RASGRF1: variants seen among roughly 807,000 people sequenced by gnomAD.
The protein encoded by RASGRF1 is ras-specific guanine nucleotide-releasing factor 1.
RASGRF1 carries 40 observed loss-of-function variants against 138.7 expected under a neutral mutation model. That is an observed-to-expected ratio of 0.29 (90% CI 0.22 to 0.38). The LOEUF is 0.38. Among genes scored for constraint, RASGRF1 ranks in the 10% least tolerant of loss-of-function variants. RASGRF1 has a pLI of 1.00. For missense variants in RASGRF1, 1,108 were observed against 1,650.4 expected (o/e 0.67, Z 5.69); for synonymous variants, 614 against 663.2 (o/e 0.93, Z 1.14).
At chr15:78,991,991 T>C (rs765044708) in intron 20 of RASGRF1, among the ~76,000 whole-genome samples, 197 bp from the exon 21 acceptor site, 15 of 152,000 alleles carry the variant, frequency 9.9e-5, no homozygotes, top group Admixed American at 1.3e-4. Context: ...CGGAGGGAGA[T>C]GGGCCCCGCC....
At position 79,046,905 on chromosome 15, in the gene RASGRF1, T is replaced by C; in HGVS notation, c.719A>G (p.Lys240Arg). 1 of 1,614,206 alleles carries C rather than the reference T, an allele frequency of 6.2e-7. No individual in the cohort carries two copies. The highest frequency in any genetic ancestry group is 8.5e-7 in the Non-Finnish European group (1 of 1,180,034). ...IRSPHADSMR[K>R]RNQVVFSMLE... ...CATGCTGAACACCACCTGGTTCCTC[T>C]TGCGCATGCTGTCAGCATGGGGTGA... The change falls in exon 5 of 27, where the codon AAG becomes AGG. Residue 240 changes from lysine (K) to arginine (R), a missense_variant. Around this residue, in one of 3 missense-constraint regions of RASGRF1, gnomAD observed 253 missense variants for 329.5 expected, o/e 0.77. Coordinates refer to ENST00000558480, the MANE Select transcript of RASGRF1 (RefSeq NM_001145648.3). This position sits in a 1 kb window ranked among gnomAD's most constrained non-coding sequence, Gnocchi z 5.3.
chr15:79,065,931 G>A (rs980218576), intron 1 of RASGRF1, among the ~76,000 whole-genome samples: 10 of 151,766 alleles, frequency 6.6e-5, no homozygotes, highest in Non-Finnish European at 1.3e-4. Flanking sequence ...GAATGAGTAT[G>A]GCAGGAGAGA....
intron 1 of RASGRF1, among the ~76,000 whole-genome samples, chr15:79,078,155 A>G (rs1267880965): frequency 1.6e-5 from 1 of 60,620 alleles, no homozygotes; most frequent in Non-Finnish European, 5.5e-5. Context: ...GTGTGTGTGC[A>G]TGCATGTGCG....
chr15:78,996,307 C>A (rs1183903614), intron 19 of RASGRF1, among the ~76,000 whole-genome samples: 1 of 152,148 alleles, frequency 6.6e-6, no homozygotes, highest in Non-Finnish European at 1.5e-5. Context: ...GAGGGTAGAG[C>A]CTCAAAGTCA....
At chr15:79,012,428 ATCTC>A in intron 13 of RASGRF1, 1 of 1,240,044 alleles carries the variant, frequency 8.1e-7, no homozygotes. Context: ...CTTTCTAATA[ATCTC>A]TCTATGTCTC....
intron 2 of RASGRF1, among the ~76,000 whole-genome samples, chr15:79,060,251 C>G (rs1172065174): frequency 6.6e-6 from 1 of 152,176 alleles, no homozygotes; most frequent in African/African-American, 2.4e-5. Context: ...CACTCCCCAC[C>G]CCCCAGGTTG....
intron 26 of RASGRF1, among the ~76,000 whole-genome samples, chr15:78,967,693 C>T (rs1018869051): frequency 1.3e-5 from 2 of 152,110 alleles, no homozygotes; most frequent in Non-Finnish European, 2.9e-5. Context: ...ATCTGTTTTT[C>T]CATGGTTAAT....
intron 5 of RASGRF1, among the ~76,000 whole-genome samples, chr15:79,045,583 T>C (rs2057345557): frequency 6.6e-6 from 1 of 152,206 alleles, no homozygotes; most frequent in African/African-American, 2.4e-5. Flanking sequence ...TCTCTTTCCT[T>C]CTCTCTCTGT....
In RASGRF1 at chr15:79,019,924, G is replaced by A. The variant is rs118069855; in HGVS notation, c.1606+117C>T. On this transcript the variant is annotated intron_variant, in intron 11 of 26. Coordinates refer to ENST00000558480, the MANE Select transcript of RASGRF1 (RefSeq NM_001145648.3). ...GAGGGCATGTGTGGACCTCCCCTCC[G>A]CACTTCAGCATCCTCCATTCCTCCC... 8.1e-3 allele frequency: 10,287 copies of A among 1,264,916 alleles called. 68 individuals carry two copies. Among genetic ancestry groups the A allele is most frequent in the Non-Finnish European group, 9.9e-3 (8,855 of 892,200 alleles). 78.4% of individuals were successfully genotyped at this position (1,264,916 alleles called of 1,614,324 possible).
At chr15:79,012,845 G>C (rs2056822044) in intron 13 of RASGRF1, among the ~76,000 whole-genome samples, 1 of 152,100 alleles carries the variant, frequency 6.6e-6, no homozygotes, top group African/African-American at 2.4e-5. Flanking sequence ...ACCAGGCCTG[G>C]CTAATTTTTG....
At chr15:79,059,674 A>G (rs1402728874) in intron 2 of RASGRF1, among the ~76,000 whole-genome samples, 1 of 152,072 alleles carries the variant, frequency 6.6e-6, no homozygotes, top group Non-Finnish European at 1.5e-5. Context: ...TTTGGTATAC[A>G]GTTCTCTCCC....
At chr15:79,036,270 A>G (rs1253294299) in intron 5 of RASGRF1, among the ~76,000 whole-genome samples, 1 of 151,954 alleles carries the variant, frequency 6.6e-6, no homozygotes, top group Admixed American at 6.6e-5. Context: ...GGTACACTCC[A>G]TTTATGGATA....
intron 26 of RASGRF1, among the ~76,000 whole-genome samples, chr15:78,965,949 G>T (rs541576477): frequency 1.4e-4 from 22 of 152,268 alleles, no homozygotes; most frequent in African/African-American, 5.1e-4. Flanking sequence ...TTCCCTGGTC[G>T]ACTGAGAGAA....
At chr15:79,045,712 C>T (rs2057347168) in intron 5 of RASGRF1, among the ~76,000 whole-genome samples, 1 of 152,232 alleles carries the variant, frequency 6.6e-6, no homozygotes, top group South Asian at 2.1e-4. Context: ...GACTCACAAC[C>T]TCATACATCC....
At chr15:78,964,300 G>A (rs2055602766) in intron 26 of RASGRF1, among the ~76,000 whole-genome samples, 1 of 151,804 alleles carries the variant, frequency 6.6e-6, no homozygotes, top group Non-Finnish European at 1.5e-5. Context: ...TCAGCATCCC[G>A]AGTAGCTGGG....
chr15:78,963,675 G>C (rs2055589575), intron 26 of RASGRF1, among the ~76,000 whole-genome samples: 1 of 152,028 alleles, frequency 6.6e-6, no homozygotes. Context: ...CTTTTGTCTT[G>C]GCTAATTGAC....
chr15:79,026,680 T>C (rs1055189272), intron 9 of RASGRF1, among the ~76,000 whole-genome samples: 4 of 151,966 alleles, frequency 2.6e-5, no homozygotes, highest in Non-Finnish European at 5.9e-5. Flanking sequence ...TGACTCAGGG[T>C]GATGGAGCAG....
intron 1 of RASGRF1, among the ~76,000 whole-genome samples, chr15:79,085,538 T>C (rs1258999112): frequency 6.6e-6 from 1 of 152,218 alleles, no homozygotes; most frequent in Non-Finnish European, 1.5e-5. Flanking sequence ...TTTTTCTACA[T>C]TCAGCTTTTC....
At chr15:79,016,414 C>T (rs1027069629) in intron 12 of RASGRF1, among the ~76,000 whole-genome samples, 1 of 152,238 alleles carries the variant, frequency 6.6e-6, no homozygotes, top group Admixed American at 6.5e-5. Context: ...GTTCTACCAG[C>T]AACTCCAAAA....
Sources: gnomAD v4.1 joint callset for allele counts (sites outside exome capture counted in the v4.1 genomes callset) on GRCh38, gnomAD v4.1.1 for gene constraint, gnomAD v4.1.1 regional missense constraint, Gnocchi (gnomAD v3.1) non-coding constraint, MANE v1.5 for transcripts, NCBI Gene and HGNC (gene_info 2026-07-23, HGNC 2026-07-21) for gene names.